Variants in BSCL2 observed in about 807,000 individuals in gnomAD.
BSCL2 encodes BSCL2 lipid droplet biogenesis associated, seipin.
BSCL2 carries 41 observed loss-of-function variants against 57.4 expected under a neutral mutation model. The observed-to-expected ratio is 0.71, with a 90% CI of 0.56 to 0.93. The LOEUF is 0.93. Among genes scored for constraint, BSCL2 ranks in the 40% least tolerant of loss-of-function variants. The pLI is 0.00. For missense variants in BSCL2, 539 were observed against 586.7 expected (o/e 0.92, Z 0.84); for synonymous variants, 237 against 227.3 (o/e 1.04, Z -0.38).
At chr11:62,697,622 C>T (rs538693642) in intron 3 of BSCL2, 1 of 148,494 alleles carries the variant, frequency 6.7e-6, no homozygotes, top group South Asian at 2.1e-4. Context: ...CCCGTCTCTA[C>T]TAAAAAAAAA....
intron 4 of BSCL2, among the ~76,000 whole-genome samples, chr11:62,693,194 T>C (rs535469748): frequency 6.6e-6 from 1 of 152,224 alleles, no homozygotes; most frequent in Admixed American, 6.5e-5. Context: ...TGTTAATTAA[T>C]GGAAGAATGG....
rs2845671 is a variant in BSCL2, at chr11:62,694,840, C to G, written c.487-129G>C. 3.5e-6 allele frequency: 4 copies of G among 1,137,648 alleles called. No individual in the cohort carries two copies. The East Asian group carries it at 1.0e-4, about 29-fold the overall frequency. 70.5% of individuals were successfully genotyped at this position (1,137,648 alleles called of 1,614,324 possible). ...GCCACAACCCTCTTGGGTAGCCTAA[C>G]GGGCCTTTCAATCTGTCATCCCAAG... On this transcript the variant is annotated intron_variant, in intron 3 of 10. Transcript: ENST00000360796.
chr11:62,708,437 T>C (rs1020746463), upstream of BSCL2: 8 of 1,414,214 alleles, frequency 5.7e-6, no homozygotes, highest in African/African-American at 8.4e-5. Flanking sequence ...GGCCAGGCTG[T>C]GCTGTGCTGC....
intron 3 of BSCL2, among the ~76,000 whole-genome samples, chr11:62,700,861 G>A (rs1001070714): frequency 6.6e-6 from 1 of 152,050 alleles, no homozygotes; most frequent in African/African-American, 2.4e-5. Flanking sequence ...GCTGAGGTGG[G>A]AGAATCGCTT....
At chr11:62,707,061 A>C in intron 1 of BSCL2, 48 bp downstream of exon 1, 1 of 1,491,076 alleles carries the variant, frequency 6.7e-7, no homozygotes, top group Non-Finnish European at 9.2e-7. Flanking sequence ...ACGCCAGCCC[A>C]CCTATTTCCA....
chr11:62,696,269 A>G (rs959427350), intron 3 of BSCL2, among the ~76,000 whole-genome samples: 5 of 85,966 alleles, frequency 5.8e-5, no homozygotes, highest in Admixed American at 2.7e-4. Flanking sequence ...CAGTTGCTTC[A>G]TAAACTTTTT....
chr11:62,708,259 T>A, upstream of BSCL2: 1 of 1,361,936 alleles, frequency 7.3e-7, no homozygotes, highest in Non-Finnish European at 1.1e-6. Context: ...GGCCTCCAGC[T>A]GAGACTGTGC....
upstream of BSCL2, chr11:62,708,828 A>T: frequency 6.3e-7 from 1 of 1,586,418 alleles, no homozygotes; most frequent in East Asian, 2.2e-5. Flanking sequence ...CCTTCTCACA[A>T]CTCCTCCCTT....
At chr11:62,702,019 A>G (rs1454030691) in intron 3 of BSCL2, among the ~76,000 whole-genome samples, 1 of 151,984 alleles carries the variant, frequency 6.6e-6, no homozygotes, top group African/African-American at 2.4e-5. Flanking sequence ...AGATCCATCA[A>G]TACACACAAT....
chr11:62,697,793 CAAAA>C (rs1239385916), intron 3 of BSCL2, among the ~76,000 whole-genome samples: 3 of 105,610 alleles, frequency 2.8e-5, no homozygotes, highest in Admixed American at 1.0e-4. Flanking sequence ...GACTCTGTAT[CAAAA>C]AAAAAAAAAA....
At chr11:62,700,180 G>A (rs1945596387) in intron 3 of BSCL2, among the ~76,000 whole-genome samples, 1 of 150,678 alleles carries the variant, frequency 6.6e-6, no homozygotes, top group South Asian at 2.1e-4. Context: ...GGTCAAGGCT[G>A]CAGCGAGCCG....
chr11:62,707,464 G>A (rs562855780), upstream of BSCL2: 41 of 683,406 alleles, frequency 6.0e-5, no homozygotes, highest in South Asian at 5.8e-4. Context: ...TCCACTGCAG[G>A]GGCCGTCATA....
chr11:62,692,920 C>T (rs1945350622), intron 4 of BSCL2, 123 bp from the exon 5 acceptor site: 1 of 1,229,352 alleles, frequency 8.1e-7, no homozygotes, highest in Non-Finnish European at 1.1e-6. Context: ...CCCTGGCTGC[C>T]TCACCTTCAC....
At chr11:62,708,951 C>A (rs2083587805), upstream of BSCL2, 2 of 695,096 alleles carry the variant, frequency 2.9e-6, no homozygotes, top group Admixed American at 4.6e-5. Flanking sequence ...AGCACAAGGC[C>A]CACCCTCACC....
chr11:62,706,618 C>T, intron 1 of BSCL2: 1 of 471,656 alleles, frequency 2.1e-6, no homozygotes, highest in South Asian at 1.5e-5. Flanking sequence ...CACACCTTCA[C>T]CACAGGCCAT....
rs771754989 is a variant in BSCL2, at chr11:62,705,440, G to A, written c.265C>T (p.Arg89Cys). 8 of 1,614,110 alleles carry A rather than the reference G, an allele frequency of 5.0e-6. No individual in the cohort carries two copies. The highest frequency in any genetic ancestry group is 1.3e-5 in the African/African-American group (1 of 74,928). ...ACCCCAAACTGCAGCAGCAGCCTGC[G>A]GGCACGGCCTGCCAAGACTTGGCCC... The part of the protein sequence containing the change: ...EVGQVLAGRA[R>C]RLLLQFGVLF... Residue 89 changes from arginine to cysteine, a missense_variant, in exon 2 of 11, where the codon CGC becomes TGC. Arg to Cys is a radical substitution (Grantham distance 180). This residue lies in a region of BSCL2 where 218 missense variants were observed against 224.8 expected (regional missense o/e 0.97). Transcript: ENST00000360796.
intron 3 of BSCL2, among the ~76,000 whole-genome samples, chr11:62,696,456 CCACA>C (rs1371854780): frequency 8.0e-5 from 11 of 137,270 alleles, no homozygotes; most frequent in African/African-American, 2.9e-4. Context: ...GCACATGCAA[CCACA>C]TGCAACTAAA....
rs1945276895 is a variant in BSCL2 at position 62,690,509 on chromosome 11, C to T, written c.1247G>A (p.Trp416Ter). ...CTCCGTCAGCAAAGCTGCATCTTCC[C>T]AGGAGCCTGAACCTGGGCCAGGAAA... ...EPEASDGSGS[W>*]EDAALLTEAN... Residue 416 changes from tryptophan (W) to a stop codon, truncating the protein, a stop_gained, in exon 11 of 11, where the codon TGG becomes TAG. Coordinates refer to ENST00000360796, the MANE Select transcript of BSCL2 (RefSeq NM_001122955.4). LOFTEE classifies it high-confidence loss of function. The T allele has an allele frequency of 1.2e-6, 2 of 1,614,054 alleles. No individual in the cohort carries two copies. The highest frequency in any genetic ancestry group is 1.7e-6 in the Non-Finnish European group (2 of 1,180,040).
intron 9 of BSCL2, 24 bp from the exon 10 acceptor site, chr11:62,690,716 G>A: frequency 1.2e-6 from 2 of 1,613,792 alleles, no homozygotes; most frequent in Non-Finnish European, 1.7e-6. Context: ...GGGAATGCAG[G>A]GGTCAGACCC....
Sources: allele counts gnomAD v4.1 joint callset (sites outside exome capture counted in the v4.1 genomes callset), GRCh38; gene constraint gnomAD v4.1.1; regional missense constraint gnomAD v4.1.1; transcripts MANE v1.5; gene names NCBI Gene and HGNC (gene_info 2026-07-23, HGNC 2026-07-21).